Variants in TC2N observed in about 807,000 individuals in gnomAD.
TC2N encodes the protein tandem C2 domains, nuclear, also known as tandem C2 domains nuclear protein.
In TC2N, 51 loss-of-function variants were observed where a neutral mutation model predicts 61.9. The ratio of observed to expected loss-of-function variants is 0.82; its 90% CI spans 0.66 to 1.04. The LOEUF (loss-of-function observed/expected upper bound fraction) is 1.04. TC2N is among the 50% of genes least tolerant of loss of function. TC2N has a pLI of 0.00. For missense variants in TC2N, 556 were observed against 566.7 expected, an observed-to-expected ratio of 0.98 and a Z score of 0.19; for synonymous variants, 204 against 192.6, an observed-to-expected ratio of 1.06 and a Z score of -0.49.
chr14:91,800,981 C>CAT (rs1218011028), intron 4 of TC2N, among the ~76,000 whole-genome samples: 6 of 150,636 alleles, frequency 4.0e-5, no homozygotes, highest in Admixed American at 6.6e-5. Context: ...TACATATATA[C>CAT]ATATATATAC....
intron 1 of TC2N, among the ~76,000 whole-genome samples, chr14:91,844,786 A>G (rs1888237236): frequency 1.4e-5 from 2 of 142,732 alleles, no homozygotes; most frequent in Admixed American, 7.2e-5. Flanking sequence ...AAAAAAAAAA[A>G]AGCCACCTTA....
intron 5 of TC2N, among the ~76,000 whole-genome samples, chr14:91,799,371 A>G (rs1886102804): frequency 6.6e-6 from 1 of 152,080 alleles, no homozygotes; most frequent in South Asian, 2.1e-4. Flanking sequence ...CGAAAATGAG[A>G]ATTTATTTAG....
chr14:91,811,669 T>C (rs1182859092), intron 3 of TC2N, among the ~76,000 whole-genome samples: 2 of 152,080 alleles, frequency 1.3e-5, no homozygotes, highest in African/African-American at 4.8e-5. Context: ...ACATGTTTTC[T>C]ACATTTACTA....
chr14:91,795,883 AG>A (rs1885873100), intron 8 of TC2N, among the ~76,000 whole-genome samples: 1 of 152,082 alleles, frequency 6.6e-6, no homozygotes, highest in South Asian at 2.1e-4. Context: ...TTTCTTTTAG[AG>A]TCTCAAGTCA....
chr14:91,797,663 A>G, intron 8 of TC2N, 122 bp downstream of exon 8: 1 of 662,398 alleles, frequency 1.5e-6, no homozygotes, highest in Non-Finnish European at 2.6e-6. Context: ...AAGCAATAAT[A>G]CATAGTTGTA....
chr14:91,813,612 G>A, intron 2 of TC2N, 91 bp downstream of exon 2: 1 of 870,848 alleles, frequency 1.1e-6, no homozygotes, highest in Non-Finnish European at 1.9e-6. Context: ...CCCCTAAGAA[G>A]TTGGAAAACA....
chr14:91,799,426 G>C (rs1423176155), intron 5 of TC2N, among the ~76,000 whole-genome samples: 2 of 151,986 alleles, frequency 1.3e-5, no homozygotes, highest in Non-Finnish European at 2.9e-5. Context: ...AATTATCAAA[G>C]CATAGTCAAT....
At chr14:91,816,281 T>G (rs1376359654) in intron 1 of TC2N, among the ~76,000 whole-genome samples, 1 of 151,812 alleles carries the variant, frequency 6.6e-6, no homozygotes, top group African/African-American at 2.4e-5. Flanking sequence ...CAAAATACAC[T>G]GTCAAACTGA....
intron 9 of TC2N, among the ~76,000 whole-genome samples, chr14:91,791,590 GA>G (rs879510736): frequency 8.1e-5 from 12 of 149,028 alleles, no homozygotes; most frequent in Admixed American, 4.0e-4. Flanking sequence ...GCTTTTTACA[GA>G]AAAAAAAAAT....
intron 1 of TC2N, among the ~76,000 whole-genome samples, chr14:91,862,569 C>G (rs892131018): frequency 1.3e-5 from 2 of 152,164 alleles, no homozygotes; most frequent in African/African-American, 4.8e-5. Context: ...GAGGCAATTT[C>G]CTAGGATGGA....
At chr14:91,855,443 T>A in intron 1 of TC2N, among the ~76,000 whole-genome samples, 1 of 152,194 alleles carries the variant, frequency 6.6e-6, no homozygotes, top group East Asian at 1.9e-4. Context: ...TCCTTGAAGT[T>A]CCTTGGCTTA....
intron 1 of TC2N, among the ~76,000 whole-genome samples, chr14:91,822,034 C>A (rs1887278951): frequency 6.6e-6 from 1 of 152,156 alleles, no homozygotes; most frequent in South Asian, 2.1e-4. Flanking sequence ...AAGTAGTATT[C>A]TCCTATTCTA....
At chr14:91,862,948 A>G (rs1021891189) in intron 1 of TC2N, among the ~76,000 whole-genome samples, 2 of 152,374 alleles carry the variant, frequency 1.3e-5, no homozygotes, top group East Asian at 3.9e-4. Context: ...CTGAGTTGAA[A>G]GGATCTCCTT....
chr14:91,851,959 C>A (rs1029780652), intron 1 of TC2N, among the ~76,000 whole-genome samples: 4 of 152,176 alleles, frequency 2.6e-5, no homozygotes, highest in Non-Finnish European at 1.5e-5. Context: ...GTACATTTCC[C>A]AAAATGATTC....
chr14:91,848,241 G>A (rs146734525), intron 1 of TC2N, among the ~76,000 whole-genome samples: 20 of 152,278 alleles, frequency 1.3e-4, no homozygotes, highest in South Asian at 6.2e-4. Flanking sequence ...TGGGAAAGTC[G>A]CTTCACCAAG....
At chr14:91,865,681 C>A (rs1048507770) in intron 1 of TC2N, among the ~76,000 whole-genome samples, 4 of 152,012 alleles carry the variant, frequency 2.6e-5, no homozygotes, top group African/African-American at 9.7e-5. Flanking sequence ...CTTAATAATT[C>A]TAAGCAGAGG....
chr14:91,864,077 C>T (rs1888647971), intron 1 of TC2N, among the ~76,000 whole-genome samples: 1 of 152,168 alleles, frequency 6.6e-6, no homozygotes, highest in Non-Finnish European at 1.5e-5. Flanking sequence ...TACCTGAGGT[C>T]TGCATGCCAG....
chr14:91,818,730 T>C (rs1402314421), intron 1 of TC2N, among the ~76,000 whole-genome samples: 1 of 152,058 alleles, frequency 6.6e-6, no homozygotes, highest in African/African-American at 2.4e-5. Flanking sequence ...AACTATAATG[T>C]CTGAGATGGA....
intron 1 of TC2N, among the ~76,000 whole-genome samples, chr14:91,842,177 G>T (rs1888176189): frequency 6.6e-6 from 1 of 151,872 alleles, no homozygotes. Context: ...CAGAGACAAG[G>T]TTTCACCATG....
Sources: allele counts gnomAD v4.1 joint callset (sites outside exome capture counted in the v4.1 genomes callset), GRCh38; gene constraint gnomAD v4.1.1; transcripts MANE v1.5; gene names NCBI Gene and HGNC (gene_info 2026-07-23, HGNC 2026-07-21).